Variants in UMOD observed in about 807,000 individuals in gnomAD.
The protein encoded by UMOD is uromodulin.
In UMOD, 64 loss-of-function variants were observed where a neutral mutation model predicts 66.0. That is an observed-to-expected ratio of 0.97 (90% CI 0.79 to 1.19). The LOEUF is 1.19. UMOD is among the 50% of genes most tolerant of loss of function. The pLI, the probability that UMOD is intolerant of heterozygous loss-of-function variation, is 0.00. For missense variants in UMOD, 764 were observed against 850.9 expected (o/e 0.90, Z 1.27); for synonymous variants, 398 against 352.7 (o/e 1.13, Z -1.44).
chr16:20,336,575 C>T, intron 9 of UMOD, 71 bp downstream of exon 9: 6 of 1,462,686 alleles, frequency 4.1e-6, no homozygotes, highest in Non-Finnish European at 5.8e-6. Context: ...AGGTGCCAGG[C>T]TCTGTTATCC....
At chr16:20,352,834 C>A (rs1965959254), upstream of UMOD, 12 of 914,986 alleles carry the variant, frequency 1.3e-5, no homozygotes, top group African/African-American at 1.7e-5. Context: ...ATATTTTTTC[C>A]TCCTGGCATA....
At chr16:20,354,765 T>C (rs544164658), upstream of UMOD, among the ~76,000 whole-genome samples, 1 of 152,302 alleles carries the variant, frequency 6.6e-6, no homozygotes, top group East Asian at 1.9e-4. Context: ...GGGGCCTTAC[T>C]GATCATGGAG....
chr16:20,344,203 TGG>T, intron 5 of UMOD, 31 bp from the exon 6 acceptor site: 1 of 604,036 alleles, frequency 1.7e-6, no homozygotes, highest in Non-Finnish European at 2.9e-6. Flanking sequence ...GGAGGGGGGG[TGG>T]GGATGAGAGA....
At position 20,350,708 on chromosome 16, in the gene UMOD, C is replaced by T; in HGVS notation, c.30G>A (p.Leu10=). MGQPSLTWM[L]MVVVASWFIT... ...TGAACCAAGAGGCCACCACCACCAT[C>T]AGCATCCAAGTCAGAGATGGCTGCC... Residue 10 remains leucine, a synonymous_variant, in exon 2 of 11, where the codon CTG becomes CTA. Coordinates refer to ENST00000396138, the MANE Select transcript of UMOD (RefSeq NM_003361.4). 6.2e-7 allele frequency: 1 copy of T among 1,614,218 alleles called. No homozygotes were observed. The highest frequency in any genetic ancestry group is 2.2e-5 in the East Asian group (1 of 44,882).
At chr16:20,347,872 G>A (rs1019749584) in intron 4 of UMOD, among the ~76,000 whole-genome samples, 2 of 152,136 alleles carry the variant, frequency 1.3e-5, no homozygotes, top group African/African-American at 4.8e-5. Context: ...ACTGCTCACC[G>A]GGCCGGGCTT....
In UMOD at chr16:20,333,267, C is replaced by A. The variant is rs1427290635; in HGVS notation, c.*47G>T. The A allele has an allele frequency of 1.3e-6, 2 of 1,587,320 alleles. No homozygotes were observed. Among genetic ancestry groups the A allele is most frequent in the African/African-American group, 1.3e-5 (1 of 74,384 alleles). On this transcript the variant is annotated 3_prime_UTR_variant, in exon 11 of 11. Coordinates refer to ENST00000396138, the MANE Select transcript of UMOD (RefSeq NM_003361.4). Reference sequence around the variant, plus strand: ...GGCCCGCATCATGCCCCCTGCCCAGCAGGAGGTGAGATGGCAGCCATGGAG... The same window carrying A: ...GGCCCGCATCATGCCCCCTGCCCAGAAGGAGGTGAGATGGCAGCCATGGAG...
intron 9 of UMOD, 80 bp downstream of exon 9, chr16:20,336,566 G>T (rs1182029460): frequency 3.6e-6 from 5 of 1,376,562 alleles, no homozygotes; most frequent in Non-Finnish European, 5.2e-6. Flanking sequence ...AAGGTGCCAA[G>T]GTGCCAGGCT....
intron 5 of UMOD, among the ~76,000 whole-genome samples, chr16:20,344,579 G>A (rs1318131038): frequency 1.5e-4 from 21 of 143,862 alleles, no homozygotes; most frequent in South Asian, 4.6e-4. Context: ...CTTTAGCCTC[G>A]GCGACAGGGA....
chr16:20,348,524 A>G lies in UMOD; in HGVS notation c.777T>C (p.Asp259=). 1 of 1,606,580 alleles carries G rather than the reference A, an allele frequency of 6.2e-7. No homozygotes were observed. Among genetic ancestry groups the G allele is most frequent in the Non-Finnish European group, 8.5e-7 (1 of 1,178,910 alleles). ...CACAGGCCTTCACCTGGACGGACGC[A>G]TCCCACAGGCAGCAGTGGCCGCTCC... ...AHWSGHCCLW[D]ASVQVKACAG... Residue 259 remains aspartate, a synonymous_variant, in exon 3 of 11, where the codon GAT becomes GAC. Coordinates refer to ENST00000396138, the MANE Select transcript of UMOD (RefSeq NM_003361.4).
At position 20,348,796 on chromosome 16, in the gene UMOD, C is replaced by G. The variant is rs758792819; in HGVS notation, c.505G>C (p.Val169Leu). Residue 169 changes from valine (V) to leucine (L), a missense_variant, in exon 3 of 11, where the codon GTG (valine) becomes CTG (leucine). Transcript: ENST00000396138. ...TGCGCCTGGCACGGATCCGCGCACACGAGCGCGTCGCCCTCGGGCACGCAG... is the reference window on the plus strand; with the variant it reads ...TGCGCCTGGCACGGATCCGCGCACAGGAGCGCGTCGCCCTCGGGCACGCAG... ...LDCVPEGDAL[V>L]CADPCQAHRT... 1.3e-6 allele frequency: 2 copies of G among 1,544,560 alleles called. No individual in the cohort carries two copies. Among genetic ancestry groups the G allele is most frequent in the African/African-American group, 1.4e-5 (1 of 73,170 alleles).
intron 2 of UMOD, chr16:20,349,786 A>T: frequency 2.0e-6 from 3 of 1,536,626 alleles, no homozygotes; most frequent in Non-Finnish European, 2.6e-6. Flanking sequence ...TGGCTGGTGA[A>T]ATCTTCATCA....
chr16:20,346,710 T>G (rs750779806), intron 4 of UMOD, among the ~76,000 whole-genome samples: 8 of 152,182 alleles, frequency 5.3e-5, no homozygotes, highest in Non-Finnish European at 1.2e-4. Flanking sequence ...GCAGACAGAT[T>G]ACTTGAGGTC....
chr16:20,343,161 A>G (rs1965338069), intron 6 of UMOD, among the ~76,000 whole-genome samples: 1 of 151,990 alleles, frequency 6.6e-6, no homozygotes, highest in Non-Finnish European at 1.5e-5. Context: ...ATAAATAATC[A>G]ATAAATCTTA....
At position 20,335,855 on chromosome 16, in the gene UMOD, T is replaced by C. The variant is rs546810085; in HGVS notation, c.1823-335A>G. On this transcript the variant is annotated intron_variant, in intron 9 of 10. Transcript: ENST00000396138. ...CCAAGCTGTACTCTTGAAATGACCT[T>C]TGCAAAATTATGACTGAGACAGTGA... 1.5e-4 allele frequency among the ~76,000 whole-genome samples: 23 copies of C among 152,284 alleles called. No homozygotes were observed. In the South Asian group the frequency reaches 4.4e-3, roughly 29 times the overall value.
Position 20,337,428 on chromosome 16 carries a change from T to A in UMOD, c.1603A>T (p.Ile535Phe). The A allele has an allele frequency of 6.2e-7, 1 of 1,614,200 alleles. No homozygotes were observed. The highest frequency in any genetic ancestry group is 8.5e-7 in the Non-Finnish European group (1 of 1,180,026). ...GACTCCCCATTCTCCACCACTTGGA[T>A]AGTTGAGTCTCTAGTGTGTGGGCAT... ...DRCPHTRDST[I>F]QVVENGESSQ... Residue 535 changes from isoleucine (I) to phenylalanine (F), a missense_variant, in exon 8 of 11, where the codon ATC (isoleucine) becomes TTC (phenylalanine). Ile to Phe is a conservative substitution (Grantham distance 21). Transcript: ENST00000396138.
Position 20,333,260 on chromosome 16 carries a change from T to C in UMOD, c.*54A>G. On this transcript the variant is annotated 3_prime_UTR_variant, in exon 11 of 11. Transcript: ENST00000396138. ...GAGCACTGGCCCGCATCATGCCCCCTGCCCAGCAGGAGGTGAGATGGCAGC... is the reference window on the plus strand; with the variant it reads ...GAGCACTGGCCCGCATCATGCCCCCCGCCCAGCAGGAGGTGAGATGGCAGC... The C allele has an allele frequency of 6.4e-7, 1 of 1,570,790 alleles. No homozygotes were observed. Among genetic ancestry groups the C allele is most frequent in the Admixed American group, 1.7e-5 (1 of 58,692 alleles).
At chr16:20,349,342 A>G (rs1965775413) in intron 2 of UMOD, 130 bp from the exon 3 acceptor site, 1 of 1,047,946 alleles carries the variant, frequency 9.5e-7, no homozygotes, top group Non-Finnish European at 1.4e-6. Context: ...CTCCAAAACA[A>G]GGAAAGAAGC....
chr16:20,349,487 G>T (rs1024804391), intron 2 of UMOD, among the ~76,000 whole-genome samples: 1 of 152,068 alleles, frequency 6.6e-6, no homozygotes, highest in Admixed American at 6.6e-5. Context: ...GCAGTAGTGC[G>T]ATCATAGCTC....
chr16:20,341,006 AAAAG>A, intron 7 of UMOD, 81 bp downstream of exon 7: 17 of 1,443,394 alleles, frequency 1.2e-5, no homozygotes, highest in Middle Eastern at 1.7e-4. Context: ...AAAAAAAAAA[AAAAG>A]ATGCAATTTT....
Sources: allele counts gnomAD v4.1 joint callset (sites outside exome capture counted in the v4.1 genomes callset), GRCh38; gene constraint gnomAD v4.1.1; transcripts MANE v1.5; gene names NCBI Gene and HGNC (gene_info 2026-07-23, HGNC 2026-07-21).